DISP1: variants seen among roughly 807,000 people sequenced by gnomAD.
The protein encoded by DISP1 is dispatched RND transporter family member 1.
DISP1 carries 30 observed loss-of-function variants against 37.3 expected under a neutral mutation model. That is an observed-to-expected ratio of 0.80 (90% CI 0.60 to 1.09). DISP1 has a LOEUF of 1.09. Among genes scored for constraint, DISP1 ranks in the 50% least tolerant of loss-of-function variants. The pLI, the probability that DISP1 is intolerant of heterozygous loss-of-function variation, is 0.00. For missense variants in DISP1, 1,598 were observed against 1,879.5 expected (o/e 0.85, Z 2.77); for synonymous variants, 634 against 690.2 (o/e 0.92, Z 1.28).
At chr1:222,951,621 G>A (rs373339419) in intron 3 of DISP1, among the ~76,000 whole-genome samples, 1 of 152,204 alleles carries the variant, frequency 6.6e-6, no homozygotes, top group Non-Finnish European at 1.5e-5. Context: ...ATCACCCAGA[G>A]TCCATTCAAA....
chr1:222,990,929 G>A (rs925250334), intron 5 of DISP1, among the ~76,000 whole-genome samples, 181 bp downstream of exon 5: 2 of 152,150 alleles, frequency 1.3e-5, no homozygotes, highest in Non-Finnish European at 2.9e-5. Context: ...AAAGGTCAAG[G>A]AACTTGTTTA....
In DISP1 at chr1:222,932,487, A is replaced by G. The variant is rs1291575918; in HGVS notation, c.-18+3917A>G. On this transcript the variant is annotated intron_variant, in intron 2 of 8. Coordinates refer to ENST00000675850, the MANE Select transcript of DISP1 (RefSeq NM_001377229.1). ...GTTTTGGGGTTAGATAACTACTTAT[A>G]TAGGAGAACTTTGTAGAATTTTTTT... Among the ~76,000 whole-genome samples the G allele has an allele frequency of 2.0e-5, 3 of 151,990 alleles. No individual in the cohort carries two copies. The East Asian group carries it at 5.8e-4, about 29-fold the overall frequency.
chr1:222,841,110 A>G (rs1320100168), intron 1 of DISP1, among the ~76,000 whole-genome samples: 2 of 152,200 alleles, frequency 1.3e-5, no homozygotes, highest in Non-Finnish European at 2.9e-5. Flanking sequence ...AGAATGAATT[A>G]ATGACTAAAT....
chr1:222,950,765 G>C (rs909590859), intron 3 of DISP1, among the ~76,000 whole-genome samples: 1 of 152,192 alleles, frequency 6.6e-6, no homozygotes, highest in Non-Finnish European at 1.5e-5. Context: ...CATTCCACGT[G>C]TGCTGGTTGA....
At chr1:222,864,599 TTTTG>T (rs1669072746) in intron 1 of DISP1, among the ~76,000 whole-genome samples, 1 of 152,184 alleles carries the variant, frequency 6.6e-6, no homozygotes, top group Non-Finnish European at 1.5e-5. Context: ...AAAATAATTC[TTTTG>T]TTTTTGTTTT....
intron 1 of DISP1, among the ~76,000 whole-genome samples, chr1:222,877,457 T>C (rs1670029350): frequency 6.6e-6 from 1 of 152,072 alleles, no homozygotes; most frequent in Non-Finnish European, 1.5e-5. Flanking sequence ...TGGAGGAAAA[T>C]ACCCCCATGA....
chr1:222,990,507 T>C, intron 4 of DISP1, 118 bp from the exon 5 acceptor site: 1 of 1,437,174 alleles, frequency 7.0e-7, no homozygotes, highest in Non-Finnish European at 9.8e-7. Context: ...AATATGAGGA[T>C]TTAATAAATT....
intron 1 of DISP1, among the ~76,000 whole-genome samples, chr1:222,815,401 G>A (rs1213266277): frequency 2.0e-5 from 3 of 152,068 alleles, no homozygotes; most frequent in Non-Finnish European, 4.4e-5. Flanking sequence ...TCATTCGTGG[G>A]GGCGTGTCCC....
intron 1 of DISP1, among the ~76,000 whole-genome samples, chr1:222,871,303 A>C (rs1012625538): frequency 1.3e-5 from 2 of 152,144 alleles, no homozygotes; most frequent in African/African-American, 4.8e-5. Flanking sequence ...TGAACTTTAA[A>C]GTAGTTTTTT....
At chr1:222,919,873 G>T (rs2125439230) in intron 1 of DISP1, among the ~76,000 whole-genome samples, 1 of 152,228 alleles carries the variant, frequency 6.6e-6, no homozygotes, top group South Asian at 2.1e-4. Context: ...AATAAAATGG[G>T]ATTTGAATTT....
intron 1 of DISP1, among the ~76,000 whole-genome samples, chr1:222,906,913 C>A (rs1249080967): frequency 6.6e-6 from 1 of 152,144 alleles, no homozygotes; most frequent in Non-Finnish European, 1.5e-5. Flanking sequence ...TGGATCAGTA[C>A]CCCTTTGAGT....
rs992393801 is a variant in DISP1 at position 222,860,609 on chromosome 1, G to A, written c.-159+45531G>A. ...ATAGTTGAAAGTGATTGCTAGGGCC[G>A]GGTGCGGTCGCTCACGCCTGTAATC... On this transcript the variant is annotated intron_variant, in intron 1 of 8. Transcript: ENST00000675850. Among the ~76,000 whole-genome samples the A allele has an allele frequency of 3.3e-5, 5 of 152,024 alleles. No homozygotes were observed. The East Asian group carries it at 5.8e-4, about 18-fold the overall frequency.
intron 2 of DISP1, among the ~76,000 whole-genome samples, chr1:222,936,778 C>CATATATAAG (rs1673812770): frequency 1.7e-5 from 1 of 58,802 alleles, no homozygotes; most frequent in Non-Finnish European, 3.1e-5. Context: ...TTATATATAT[C>CATATATAAG]ATATATAATA....
intron 1 of DISP1, 53 bp from the exon 2 acceptor site, chr1:222,928,377 T>C (rs1673200008): frequency 6.6e-6 from 1 of 152,170 alleles, no homozygotes; most frequent in Non-Finnish European, 1.5e-5. Context: ...CACTGAAAGT[T>C]CCAGCCCCTA....
chr1:222,847,857 T>C (rs1413257592), intron 1 of DISP1, among the ~76,000 whole-genome samples: 2 of 152,204 alleles, frequency 1.3e-5, no homozygotes, highest in Admixed American at 1.3e-4. Flanking sequence ...ATGTAGAATT[T>C]TAAACTTGTG....
chr1:222,892,328 T>C (rs572827564), intron 1 of DISP1, among the ~76,000 whole-genome samples: 63 of 152,322 alleles, frequency 4.1e-4, no homozygotes, highest in Non-Finnish European at 6.9e-4. Context: ...TCACGTCTTA[T>C]TGTGGCTTTG....
At chr1:222,869,061 T>C (rs191127806) in intron 1 of DISP1, among the ~76,000 whole-genome samples, 1 of 152,270 alleles carries the variant, frequency 6.6e-6, no homozygotes, top group Non-Finnish European at 1.5e-5. Flanking sequence ...AATGAATTGC[T>C]TAGTGTAATT....
intron 1 of DISP1, among the ~76,000 whole-genome samples, chr1:222,851,596 G>A (rs1459025571): frequency 2.6e-5 from 4 of 152,120 alleles, no homozygotes; most frequent in Admixed American, 2.0e-4. Flanking sequence ...GTATTAGAAA[G>A]GAACTTCATC....
At chr1:222,918,608 C>A (rs1672625437) in intron 1 of DISP1, among the ~76,000 whole-genome samples, 1 of 152,070 alleles carries the variant, frequency 6.6e-6, no homozygotes, top group South Asian at 2.1e-4. Flanking sequence ...TCTAGTAGAC[C>A]CACTTGTGCA....
Sources: gnomAD v4.1 joint callset for allele counts (sites outside exome capture counted in the v4.1 genomes callset) on GRCh38, gnomAD v4.1.1 for gene constraint, MANE v1.5 for transcripts, NCBI Gene and HGNC (gene_info 2026-07-23, HGNC 2026-07-21) for gene names.